ZNF385D: variants seen among roughly 807,000 people sequenced by gnomAD.
The protein encoded by ZNF385D is zinc finger protein 385D.
A neutral mutation model predicts 35.8 loss-of-function variants in ZNF385D; 15 were observed. That is an observed-to-expected ratio of 0.42 (90% CI 0.28 to 0.64). The LOEUF is 0.64. ZNF385D is among the 30% of genes least tolerant of loss of function. The pLI, the probability that ZNF385D is intolerant of heterozygous loss-of-function variation, is 0.23. For missense variants in ZNF385D, 474 were observed against 494.6 expected, an observed-to-expected ratio of 0.96 and a Z score of 0.39; for synonymous variants, 212 against 186.8, an observed-to-expected ratio of 1.13 and a Z score of -1.10.
chr3:21,703,255 G>A (rs1321839786), intron 1 of ZNF385D, among the ~76,000 whole-genome samples: 1 of 152,124 alleles, frequency 6.6e-6, no homozygotes, highest in East Asian at 1.9e-4. Flanking sequence ...AGAAGCAAAA[G>A]TGGAAACCCC....
At chr3:21,531,188 CAAATT>C (rs763760288) in intron 3 of ZNF385D, among the ~76,000 whole-genome samples, 77 of 151,942 alleles carry the variant, frequency 5.1e-4, no homozygotes, top group Non-Finnish European at 1.0e-3. Flanking sequence ...TAAAAAAAGG[CAAATT>C]AAAACAATGA....
intron 3 of ZNF385D, among the ~76,000 whole-genome samples, chr3:22,111,910 A>G (rs1477674894): frequency 2.6e-5 from 4 of 152,136 alleles, no homozygotes; most frequent in Non-Finnish European, 5.9e-5. Flanking sequence ...ACAGAAGAAA[A>G]TACATTCAGT....
intron 3 of ZNF385D, among the ~76,000 whole-genome samples, chr3:21,762,719 A>G (rs987211569): frequency 6.6e-6 from 1 of 152,116 alleles, no homozygotes; most frequent in African/African-American, 2.4e-5. Context: ...TTCACTGTCA[A>G]CCCCTAGAGG....
At chr3:22,118,917 T>A (rs923312554) in intron 3 of ZNF385D, among the ~76,000 whole-genome samples, 1 of 152,176 alleles carries the variant, frequency 6.6e-6, no homozygotes, top group Non-Finnish European at 1.5e-5. Flanking sequence ...TTGCAAGTCT[T>A]ATAACATTAT....
intron 4 of ZNF385D, among the ~76,000 whole-genome samples, chr3:21,468,479 C>T (rs1452769210): frequency 1.3e-5 from 2 of 149,018 alleles, no homozygotes; most frequent in Admixed American, 1.3e-4. Flanking sequence ...TGGAAAGCAA[C>T]CCAAATATGC....
intron 4 of ZNF385D, among the ~76,000 whole-genome samples, chr3:21,456,526 A>T (rs555356715): frequency 6.6e-4 from 101 of 152,288 alleles, no homozygotes; most frequent in African/African-American, 2.4e-3. Context: ...CATAGGTGGG[A>T]ATTGAACAAT....
Position 22,164,639 on chromosome 3 carries a change from T to A in ZNF385D, c.325+4178A>T, listed in dbSNP as rs112039867. 8.6e-3 allele frequency among the ~76,000 whole-genome samples: 1,300 copies of A among 151,334 alleles called. 17 individuals carry two copies. Among genetic ancestry groups the A allele is most frequent in the African/African-American group, 0.03 (1,238 of 41,202 alleles). On this transcript the variant is annotated intron_variant, in intron 3 of 5. Transcript: ENST00000494108. The stretch of plus-strand genomic sequence containing the variant: ...TTTTTTTTTTGAGTGAAACCACTTA[T>A]AGTTTTTCTTCCTGGAAAAAGTCAT...
intron 3 of ZNF385D, among the ~76,000 whole-genome samples, chr3:21,836,174 T>G (rs1447102570): frequency 2.3e-4 from 7 of 30,224 alleles, no homozygotes; most frequent in Non-Finnish European, 6.0e-5. Context: ...TGTTTAGTCT[T>G]CTGACTCTTC....
At chr3:22,369,357 C>T (rs1167869462) in intron 2 of ZNF385D, among the ~76,000 whole-genome samples, 1 of 152,014 alleles carries the variant, frequency 6.6e-6, no homozygotes, top group Non-Finnish European at 1.5e-5. Context: ...TACAAGACTC[C>T]CATTGTCATG....
intron 2 of ZNF385D, among the ~76,000 whole-genome samples, chr3:21,658,526 T>C (rs1053631021): frequency 6.6e-6 from 1 of 152,032 alleles, no homozygotes; most frequent in Non-Finnish European, 1.5e-5. Context: ...TTCTCTTCTA[T>C]CAATTATCTG....
At chr3:21,708,277 G>T (rs73042185) in intron 1 of ZNF385D, among the ~76,000 whole-genome samples, 2 of 152,180 alleles carry the variant, frequency 1.3e-5, no homozygotes, top group Non-Finnish European at 2.9e-5. Flanking sequence ...TCTAGGCCTT[G>T]GGCTGGGAAC....
At chr3:21,788,544 C>G (rs2071795693) in intron 3 of ZNF385D, among the ~76,000 whole-genome samples, 1 of 152,160 alleles carries the variant, frequency 6.6e-6, no homozygotes, top group African/African-American at 2.4e-5. Context: ...TTTTCAGTGT[C>G]CTGAAACCAC....
At chr3:22,363,256 C>G (rs1468138202) in intron 2 of ZNF385D, among the ~76,000 whole-genome samples, 1 of 151,998 alleles carries the variant, frequency 6.6e-6, no homozygotes, top group Non-Finnish European at 1.5e-5. Flanking sequence ...CAAGCAGACC[C>G]CAGCTTCTAA....
At chr3:22,276,693 G>A (rs942956273) in intron 2 of ZNF385D, among the ~76,000 whole-genome samples, 6 of 152,098 alleles carry the variant, frequency 3.9e-5, no homozygotes, top group African/African-American at 1.2e-4. Flanking sequence ...TGATACAAGT[G>A]TCCACAGAGT....
intron 4 of ZNF385D, among the ~76,000 whole-genome samples, chr3:21,502,908 C>T (rs976218438): frequency 6.6e-6 from 1 of 152,134 alleles, no homozygotes; most frequent in Non-Finnish European, 1.5e-5. Flanking sequence ...TGTGCCAAGA[C>T]GTATGCAGTG....
At chr3:21,725,690 T>C (rs757066150) in intron 1 of ZNF385D, among the ~76,000 whole-genome samples, 5 of 152,114 alleles carry the variant, frequency 3.3e-5, no homozygotes, top group Admixed American at 6.5e-5. Context: ...GAATAGTTAA[T>C]AGCCTACCAA....
chr3:21,965,946 T>C (rs977646444), intron 3 of ZNF385D, among the ~76,000 whole-genome samples: 3 of 152,164 alleles, frequency 2.0e-5, no homozygotes, highest in South Asian at 2.1e-4. Context: ...TAAGAGTTCT[T>C]TGTACTATTC....
intron 1 of ZNF385D, among the ~76,000 whole-genome samples, chr3:21,678,882 A>T (rs10510515): frequency 6.6e-6 from 1 of 152,062 alleles, no homozygotes; most frequent in South Asian, 2.1e-4. Flanking sequence ...TTGCCTATTT[A>T]TACAGTTTAA....
intron 2 of ZNF385D, among the ~76,000 whole-genome samples, chr3:21,615,851 C>A (rs2064832281): frequency 7.0e-6 from 1 of 142,910 alleles, no homozygotes; most frequent in African/African-American, 2.6e-5. Flanking sequence ...GCAAAGACCC[C>A]ATTATTCAGT....
Sources: gnomAD v4.1 joint callset for allele counts (sites outside exome capture counted in the v4.1 genomes callset) on GRCh38, gnomAD v4.1.1 for gene constraint, MANE v1.5 for transcripts, NCBI Gene and HGNC (gene_info 2026-07-23, HGNC 2026-07-21) for gene names.